Variants in FRS2 observed in about 807,000 individuals in gnomAD.
The protein encoded by FRS2 is fibroblast growth factor receptor substrate 2.
In FRS2, 8 loss-of-function variants were observed where a neutral mutation model predicts 43.9. The ratio of observed to expected loss-of-function variants is 0.18; its 90% confidence interval spans 0.11 to 0.33. FRS2 has a LOEUF of 0.33. Ranked by LOEUF, FRS2 falls within the 10% of genes least tolerant of loss-of-function variation. FRS2 has a pLI of 1.00. For missense variants in FRS2, 534 were observed against 627.6 expected (o/e 0.85, Z 1.59); for synonymous variants, 219 against 220.3 (o/e 0.99, Z 0.05).
intron 1 of FRS2, among the ~76,000 whole-genome samples, chr12:69,506,103 G>A (rs561217701): frequency 6.6e-6 from 1 of 151,816 alleles, no homozygotes; most frequent in East Asian, 1.9e-4. Flanking sequence ...ATTTTTACCC[G>A]AACACTATTT....
intron 1 of FRS2, among the ~76,000 whole-genome samples, chr12:69,522,483 C>G (rs1216186422): frequency 1.3e-5 from 2 of 151,830 alleles, no homozygotes; most frequent in Non-Finnish European, 2.9e-5. Flanking sequence ...TTATTTGTAT[C>G]TTCTCACTTC....
chr12:69,571,444 C>T lies in FRS2; in HGVS notation c.412+10C>T, dbSNP rs1880747955. On this transcript the variant is annotated intron_variant, in intron 7 of 8. Coordinates refer to ENST00000549921, the MANE Select transcript of FRS2 (RefSeq NM_001278356.2). ...CCTCGAACACCTACAAGTAAGTACCCCTTTTCCCTTTCACATTTTGAATAA... is the reference window on the plus strand; with the variant it reads ...CCTCGAACACCTACAAGTAAGTACCTCTTTTCCCTTTCACATTTTGAATAA... The T allele has an allele frequency of 6.2e-7, 1 of 1,600,988 alleles. No homozygotes were observed. Among genetic ancestry groups the T allele is most frequent in the Non-Finnish European group, 8.5e-7 (1 of 1,171,052 alleles).
intron 1 of FRS2, among the ~76,000 whole-genome samples, chr12:69,475,386 G>A (rs1416442427): frequency 3.9e-5 from 6 of 152,148 alleles, no homozygotes; most frequent in African/African-American, 1.4e-4. Context: ...TGCTTTGTCT[G>A]GGCTGTTTGG....
At chr12:69,477,426 G>T (rs1191383277) in intron 1 of FRS2, among the ~76,000 whole-genome samples, 2 of 151,850 alleles carry the variant, frequency 1.3e-5, no homozygotes, top group East Asian at 3.9e-4. Context: ...GGGACTACAG[G>T]CGCCCGCCAA....
chr12:69,471,193 TAAAG>T (rs1870252972), intron 1 of FRS2, among the ~76,000 whole-genome samples: 1 of 151,950 alleles, frequency 6.6e-6, no homozygotes, highest in South Asian at 2.1e-4. Context: ...GAAGTAAACT[TAAAG>T]AAAAAACTTG....
chr12:69,478,472 T>G (rs1871044310), intron 1 of FRS2, among the ~76,000 whole-genome samples: 1 of 152,172 alleles, frequency 6.6e-6, no homozygotes, highest in Non-Finnish European at 1.5e-5. Context: ...TTAGTGCAGC[T>G]CTATAAGGTT....
In FRS2 at chr12:69,576,819, T is replaced by C. The variant is rs945951611; in HGVS notation, c.*1864T>C. ...TTCTCCCTTTTGTTCCCCTGTGAAC[T>C]TGGTGCTTATTAAAGTGCTCACTGT... On this transcript the variant is annotated 3_prime_UTR_variant, in exon 9 of 9. Coordinates refer to ENST00000549921, the MANE Select transcript of FRS2 (RefSeq NM_001278356.2). The C allele has an allele frequency of 2.0e-5, 3 of 152,768 alleles. No homozygotes were observed. Among genetic ancestry groups the C allele is most frequent in the East Asian group, 3.9e-4 (2 of 5,188 alleles). 9.5% of individuals were successfully genotyped at this position (152,768 alleles called of 1,614,324 possible).
At chr12:69,484,177 C>G (rs1048804065) in intron 1 of FRS2, among the ~76,000 whole-genome samples, 1 of 151,646 alleles carries the variant, frequency 6.6e-6, no homozygotes, top group Non-Finnish European at 1.5e-5. Context: ...CTCCGCCTCC[C>G]GGGTTCACGC....
chr12:69,527,343 ATTTTT>A (rs1166365306), intron 1 of FRS2, among the ~76,000 whole-genome samples: 1,091 of 84,256 alleles, frequency 0.013, 29 homozygotes, highest in African/African-American at 0.051. Context: ...TTTTTTAATG[ATTTTT>A]TTTTTTTTTT....
chr12:69,557,031 A>G (rs1300451615), intron 3 of FRS2, among the ~76,000 whole-genome samples: 1 of 152,236 alleles, frequency 6.6e-6, no homozygotes, highest in Non-Finnish European at 1.5e-5. Flanking sequence ...CTTGGCATTT[A>G]TTTGGGAAAT....
chr12:69,533,049 G>A (rs1304805400), intron 3 of FRS2, among the ~76,000 whole-genome samples: 1 of 152,174 alleles, frequency 6.6e-6, no homozygotes, highest in Non-Finnish European at 1.5e-5. Context: ...CCAGTAGTAG[G>A]ATTGGCTTTA....
intron 4 of FRS2, among the ~76,000 whole-genome samples, chr12:69,567,122 A>T (rs1880368845): frequency 6.6e-6 from 1 of 152,106 alleles, no homozygotes; most frequent in Admixed American, 6.5e-5. Flanking sequence ...CTCTGCTCAT[A>T]TCCTAATATA....
At chr12:69,552,522 G>A (rs1346874517) in intron 3 of FRS2, among the ~76,000 whole-genome samples, 2 of 152,068 alleles carry the variant, frequency 1.3e-5, no homozygotes, top group Non-Finnish European at 2.9e-5. Flanking sequence ...CAGAACTCAT[G>A]AAGTAAAGGC....
intron 1 of FRS2, among the ~76,000 whole-genome samples, chr12:69,513,335 A>G (rs1180029592): frequency 2.0e-5 from 3 of 151,874 alleles, no homozygotes; most frequent in Non-Finnish European, 4.4e-5. Flanking sequence ...GTTCATATAT[A>G]TATATTTTAT....
rs1257258723 is a variant in FRS2 at position 69,530,966 on chromosome 12, TGTG to T, written c.-165+8_-165+10del. 2 of 150,710 alleles carry T rather than the reference TGTG, an allele frequency of 1.3e-5. No homozygotes were observed. Among genetic ancestry groups the T allele is most frequent in the African/African-American group, 4.9e-5 (2 of 40,430 alleles). 9.3% of individuals were successfully genotyped at this position (150,710 alleles called of 1,614,324 possible). ...GTGGCATGTCAACCAGCTTGGTAAG[TGTG>T]GCCAAATCTTTTTTTTTTTTTTTTT... is the stretch of plus-strand genomic sequence containing the variant. On this transcript the variant is annotated splice_region_variant and intron_variant, in intron 2 of 8. Transcript: ENST00000549921.
At chr12:69,539,904 G>A (rs185441526) in intron 3 of FRS2, among the ~76,000 whole-genome samples, 2,173 of 152,136 alleles carry the variant, frequency 0.014, 56 homozygotes, top group African/African-American at 0.048. Flanking sequence ...GCAGTGAGCC[G>A]AGATTGTGCC....
At chr12:69,571,724 CGTG>C (rs935884098) in intron 7 of FRS2, among the ~76,000 whole-genome samples, 3 of 151,976 alleles carry the variant, frequency 2.0e-5, no homozygotes, top group Non-Finnish European at 4.4e-5. Context: ...ATTAGCCGGG[CGTG>C]GTGGTGGGCA....
chr12:69,548,921 C>T (rs1319731229), intron 3 of FRS2, among the ~76,000 whole-genome samples: 2 of 152,168 alleles, frequency 1.3e-5, no homozygotes, highest in Non-Finnish European at 2.9e-5. Context: ...CTGGTGCCTC[C>T]ATGCAGGTGA....
At chr12:69,536,484 T>G (rs1280340393) in intron 3 of FRS2, among the ~76,000 whole-genome samples, 1 of 152,146 alleles carries the variant, frequency 6.6e-6, no homozygotes, top group Non-Finnish European at 1.5e-5. Context: ...AGAATAAGGT[T>G]GAGTTTTATT....
Sources: gnomAD v4.1 joint callset for allele counts (sites outside exome capture counted in the v4.1 genomes callset) on GRCh38, gnomAD v4.1.1 for gene constraint, MANE v1.5 for transcripts, NCBI Gene and HGNC (gene_info 2026-07-23, HGNC 2026-07-21) for gene names.